Variants in DCDC1 observed in about 807,000 individuals in gnomAD.
DCDC1 encodes doublecortin domain containing 1.
Under a neutral mutation model 178.3 loss-of-function variants are expected in DCDC1, and 200 were observed. That is an observed-to-expected ratio of 1.12 (90% confidence interval 1.00 to 1.26). DCDC1 has a LOEUF of 1.26. DCDC1 is among the 50% of genes most tolerant of loss of function. The pLI, the probability that DCDC1 is intolerant of heterozygous loss-of-function variation, is 0.00. For missense variants in DCDC1, 1,983 were observed against 1,749.2 expected, an observed-to-expected ratio of 1.13 and a Z score of -2.38; for synonymous variants, 690 against 604.8, an observed-to-expected ratio of 1.14 and a Z score of -2.07.
chr11:31,312,684 C>T (rs1948840719), intron 3 of DCDC1: 2 of 152,192 alleles, frequency 1.3e-5, no homozygotes, highest in Admixed American at 1.3e-4. Context: ...GTTTCTCAGG[C>T]CTTCAGACTC....
chr11:30,875,265 C>A (rs1309702547), intron 38 of DCDC1, among the ~76,000 whole-genome samples: 1 of 152,074 alleles, frequency 6.6e-6, no homozygotes, highest in East Asian at 1.9e-4. Context: ...ATGCAGAATT[C>A]TAATTTACTG....
intron 20 of DCDC1, among the ~76,000 whole-genome samples, chr11:30,990,681 G>A (rs1025700505): frequency 2.2e-4 from 33 of 152,164 alleles, no homozygotes; most frequent in Non-Finnish European, 1.9e-4. Flanking sequence ...AAGACATTTA[G>A]TTTACACTAA....
intron 3 of DCDC1, among the ~76,000 whole-genome samples, chr11:31,322,319 G>A (rs1949409873): frequency 6.6e-6 from 1 of 152,154 alleles, no homozygotes; most frequent in Non-Finnish European, 1.5e-5. Context: ...CAAGAGTTAT[G>A]TCAGGTAATG....
chr11:30,935,102 A>AT (rs1947190987), intron 21 of DCDC1, among the ~76,000 whole-genome samples: 1 of 152,174 alleles, frequency 6.6e-6, no homozygotes, highest in East Asian at 1.9e-4. Context: ...GTCAATGGTG[A>AT]TAAGTATAGG....
chr11:31,303,924 G>T (rs1047894652), intron 6 of DCDC1, among the ~76,000 whole-genome samples: 24 of 152,090 alleles, frequency 1.6e-4, no homozygotes, highest in Non-Finnish European at 2.5e-4. Context: ...GATTTTGGTG[G>T]GTTAAGCTTG....
chr11:31,012,193 C>T (rs763337146), intron 20 of DCDC1, among the ~76,000 whole-genome samples: 2 of 152,172 alleles, frequency 1.3e-5, no homozygotes, highest in African/African-American at 2.4e-5. Context: ...AATTAAACTT[C>T]TTTTCTTTAT....
At chr11:31,048,174 CAG>C (rs1176564923) in intron 20 of DCDC1, among the ~76,000 whole-genome samples, 4 of 152,124 alleles carry the variant, frequency 2.6e-5, no homozygotes, top group Non-Finnish European at 5.9e-5. Context: ...GACTGTAGTT[CAG>C]AGATGTCAGG....
chr11:30,884,747 C>T (rs982246467), intron 36 of DCDC1, among the ~76,000 whole-genome samples: 4 of 151,704 alleles, frequency 2.6e-5, no homozygotes, highest in Non-Finnish European at 5.9e-5. Flanking sequence ...AAAAAGTATA[C>T]ATAAGTCTTT....
intron 9 of DCDC1, among the ~76,000 whole-genome samples, chr11:31,194,756 A>G (rs976530392): frequency 2.0e-5 from 3 of 151,990 alleles, no homozygotes; most frequent in African/African-American, 7.2e-5. Context: ...TGTAACAACT[A>G]CTTCATTTCT....
At chr11:31,139,207 A>G (rs763646877) in intron 9 of DCDC1, among the ~76,000 whole-genome samples, 7 of 152,324 alleles carry the variant, frequency 4.6e-5, no homozygotes, top group Middle Eastern at 6.8e-3. Context: ...CTGTGCTTCA[A>G]CAAAACTTTA....
At chr11:31,308,019 C>T (rs540445293) in intron 3 of DCDC1, 111 bp from the exon 4 acceptor site, 110 of 1,387,690 alleles carry the variant, frequency 7.9e-5, no homozygotes, top group Non-Finnish European at 1.0e-4. Flanking sequence ...ATACTACACA[C>T]TTAGCCATTA....
intron 20 of DCDC1, among the ~76,000 whole-genome samples, chr11:30,965,280 A>C (rs1240078169): frequency 6.6e-6 from 1 of 152,206 alleles, no homozygotes; most frequent in African/African-American, 2.4e-5. Context: ...AGAGTCACCC[A>C]AAAATCACCA....
intron 8 of DCDC1, chr11:31,263,127 T>C: frequency 1.3e-6 from 2 of 1,576,804 alleles, no homozygotes; most frequent in Non-Finnish European, 1.7e-6. Context: ...AAAATAAACT[T>C]TCTAAATATA....
Position 30,894,382 on chromosome 11 carries a change from G to A in DCDC1, c.4768C>T (p.Arg1590Trp), listed in dbSNP as rs748677084. 2.2e-5 allele frequency: 35 copies of A among 1,608,984 alleles called. No individual in the cohort carries two copies. The highest frequency in any genetic ancestry group is 2.4e-5 in the Non-Finnish European group (28 of 1,178,568). Residue 1590 changes from arginine (R) to tryptophan (W), a missense_variant and splice_region_variant, in exon 35 of 39, where the codon CGG becomes TGG. Coordinates refer to ENST00000684477, the MANE Select transcript of DCDC1 (RefSeq NM_001387274.1). ...MRHKMRQLKGRRVAACQPATM... is the reference protein window; with the variant it reads ...MRHKMRQLKGWRVAACQPATM... Reference sequence around the variant, plus strand: ...GCTGGCTGACATGCCGCTACTCGCCGCCCTGAGGAAACAAGTCTCTAGAAA... The same window carrying A: ...GCTGGCTGACATGCCGCTACTCGCCACCCTGAGGAAACAAGTCTCTAGAAA...
At chr11:31,213,093 AGCCCAGCC>A (rs1257732387) in intron 9 of DCDC1, among the ~76,000 whole-genome samples, 7 of 108,444 alleles carry the variant, frequency 6.5e-5, no homozygotes, top group African/African-American at 2.2e-4. Context: ...TTCTATATAA[AGCCCAGCC>A]TCTCTCTCTC....
intron 9 of DCDC1, among the ~76,000 whole-genome samples, chr11:31,156,286 G>C (rs1210807898): frequency 6.6e-6 from 1 of 152,142 alleles, no homozygotes; most frequent in Non-Finnish European, 1.5e-5. Context: ...AGAGTTCAAA[G>C]CTAATGTTTC....
intron 20 of DCDC1, among the ~76,000 whole-genome samples, chr11:31,003,519 G>A (rs963161696): frequency 6.6e-6 from 1 of 152,118 alleles, no homozygotes; most frequent in Admixed American, 6.5e-5. Context: ...ATAAACTTGG[G>A]GAGTCAGGGA....
chr11:31,029,715 T>C (rs1196732893), intron 20 of DCDC1, among the ~76,000 whole-genome samples: 1 of 152,146 alleles, frequency 6.6e-6, no homozygotes, highest in Admixed American at 6.5e-5. Flanking sequence ...TGATACTTCT[T>C]TATAACAATA....
At chr11:31,178,274 A>T (rs1324377588) in intron 9 of DCDC1, among the ~76,000 whole-genome samples, 4 of 152,230 alleles carry the variant, frequency 2.6e-5, no homozygotes, top group Non-Finnish European at 5.9e-5. Flanking sequence ...TATGTTGCCA[A>T]GAATACACAT....
Sources: allele counts gnomAD v4.1 joint callset (sites outside exome capture counted in the v4.1 genomes callset), GRCh38; gene constraint gnomAD v4.1.1; transcripts MANE v1.5; gene names NCBI Gene and HGNC (gene_info 2026-07-23, HGNC 2026-07-21).